Variants in TMEM114 observed in about 807,000 individuals in gnomAD.
TMEM114 encodes the protein claudin-26.
TMEM114 carries 6 observed loss-of-function variants against 6.2 expected under a neutral mutation model. That is an observed-to-expected ratio of 0.97 (90% confidence interval 0.53 to 1.91). The LOEUF (loss-of-function observed/expected upper bound fraction) is 1.91. Among genes scored for constraint, TMEM114 ranks in the 40% most tolerant of loss-of-function variants. The pLI is 0.01. For missense variants in TMEM114, 218 were observed against 158.3 expected (o/e 1.38, Z -2.02); for synonymous variants, 104 against 73.0 (o/e 1.42, Z -2.16).
intron 3 of TMEM114, among the ~76,000 whole-genome samples, chr16:8,570,375 GTGCGATCTCAGCTTGC>G (rs1044873414): frequency 3.5e-4 from 54 of 152,198 alleles, no homozygotes; most frequent in African/African-American, 1.1e-3. Flanking sequence ...GAGTGCAGCG[GTGCGATCTCAGCTTGC>G]TGCGATCTCA....
At chr16:8,571,591 GC>G (rs916773555) in intron 3 of TMEM114, among the ~76,000 whole-genome samples, 3 of 58,536 alleles carry the variant, frequency 5.1e-5, no homozygotes, top group East Asian at 8.4e-4. Flanking sequence ...ACCCTCCCCT[GC>G]CCCCACCCCC....
intron 2 of TMEM114, among the ~76,000 whole-genome samples, chr16:8,550,673 C>G (rs1394145240): frequency 3.6e-5 from 5 of 140,168 alleles, no homozygotes; most frequent in Admixed American, 7.3e-5. Flanking sequence ...AGCAAAACTT[C>G]GTCAAAAAAA....
At chr16:8,557,045 G>A (rs1207891490) in intron 2 of TMEM114, among the ~76,000 whole-genome samples, 3 of 152,104 alleles carry the variant, frequency 2.0e-5, no homozygotes, top group South Asian at 2.1e-4. Context: ...TGAGGCTTGA[G>A]GAAACAGGAT....
At position 8,570,362 on chromosome 16, in the gene TMEM114, C is replaced by T. The variant is rs191045191; in HGVS notation, c.440-357G>A. Among the ~76,000 whole-genome samples, 24 of 152,208 alleles carry T rather than the reference C, an allele frequency of 1.6e-4. No individual in the cohort carries two copies. The East Asian group carries it at 3.5e-3, about 22-fold the overall frequency. ...ACAGAGTCTCGCTCTGTCGCCCAGG[C>T]TGGAGTGCAGCGGTGCGATCTCAGC... On this transcript the variant is annotated intron_variant, in intron 3 of 3. Transcript: ENST00000620492.
At chr16:8,576,782 C>T (rs1901953204) in intron 2 of TMEM114, among the ~76,000 whole-genome samples, 1 of 151,182 alleles carries the variant, frequency 6.6e-6, no homozygotes, top group Non-Finnish European at 1.5e-5. Flanking sequence ...TGAGCATTTA[C>T]TGAGCATCTA....
chr16:8,566,638 C>A (rs1901555073), downstream of TMEM114, among the ~76,000 whole-genome samples: 1 of 152,202 alleles, frequency 6.6e-6, no homozygotes, highest in African/African-American at 2.4e-5. Flanking sequence ...GGGCATCGCC[C>A]ACTGCCTTCT....
At position 8,579,657 on chromosome 16, in the gene TMEM114, T is replaced by C. The variant is rs1596312882; in HGVS notation, c.302-7433A>G. Among the ~76,000 whole-genome samples, 3 of 152,298 alleles carry C rather than the reference T, an allele frequency of 2.0e-5. No individual in the cohort carries two copies. The South Asian group carries it at 6.2e-4, about 32-fold the overall frequency. ...CGTTTTCGTCACCTGTCAATTGGAC[T>C]CTGACCTTGCAGAGTTGTGGGCACT... On this transcript the variant is annotated intron_variant, in intron 2 of 3. Coordinates refer to ENST00000620492, the MANE Select transcript of TMEM114 (RefSeq NM_001146336.2).
intron 2 of TMEM114, among the ~76,000 whole-genome samples, chr16:8,587,973 T>C (rs1902366217): frequency 6.6e-6 from 1 of 151,558 alleles, no homozygotes; most frequent in Non-Finnish European, 1.5e-5. Flanking sequence ...ACATAGTAAC[T>C]ATGTTTCCTA....
chr16:8,563,841 G>C (rs1366266681), intron 2 of TMEM114, among the ~76,000 whole-genome samples: 2 of 149,458 alleles, frequency 1.3e-5, no homozygotes, highest in African/African-American at 2.5e-5. Flanking sequence ...GAGTGAGGGA[G>C]GGAGGGAGGG....
chr16:8,556,568 C>A (rs1460194080), intron 2 of TMEM114, among the ~76,000 whole-genome samples: 5 of 152,082 alleles, frequency 3.3e-5, no homozygotes, highest in South Asian at 2.1e-4. Context: ...ATGGCGTGAT[C>A]TTGGCTCACT....
rs141793079 is a variant in TMEM114, at chr16:8,553,719, G to A, written n.213-15893C>T. ...GATGGTCTTGATCTCCTGACCTCATGGTCCGCCCACCTCGGCCTCCCAAAG... is the reference window on the plus strand; with the variant it reads ...GATGGTCTTGATCTCCTGACCTCATAGTCCGCCCACCTCGGCCTCCCAAAG... On this transcript the variant is annotated intron_variant and non_coding_transcript_variant, in intron 2 of 2. Transcript: ENST00000623677. Among the ~76,000 whole-genome samples, 159 of 152,140 alleles carry A rather than the reference G, an allele frequency of 1.0e-3. 1 individual carries two copies. Among genetic ancestry groups the A allele is most frequent in the African/African-American group, 3.8e-3 (158 of 41,516 alleles).
chr16:8,582,004 C>T (rs1297685929), intron 2 of TMEM114, among the ~76,000 whole-genome samples: 1 of 152,198 alleles, frequency 6.6e-6, no homozygotes, highest in African/African-American at 2.4e-5. Context: ...TGTCCCTCAC[C>T]TCCTCCACTC....
In TMEM114 at chr16:8,569,770, G is replaced by C; in HGVS notation, c.*3C>G. On this transcript the variant is annotated 3_prime_UTR_variant, in exon 4 of 4. Transcript: ENST00000620492. Reference sequence around the variant, plus strand: ...CCTCCCCTCCACGACCCAGCGCCCAGGCTCATATGGCCTGGTCCTGCCTCC... The same window carrying C: ...CCTCCCCTCCACGACCCAGCGCCCACGCTCATATGGCCTGGTCCTGCCTCC... 1 of 1,548,244 alleles carries C rather than the reference G, an allele frequency of 6.5e-7. No individual in the cohort carries two copies. Among genetic ancestry groups the C allele is most frequent in the Non-Finnish European group, 8.7e-7 (1 of 1,145,276 alleles).
At position 8,583,695 on chromosome 16, in the gene TMEM114, C is replaced by T. The variant is rs539358679; in HGVS notation, c.301+5518G>A. Among the ~76,000 whole-genome samples the T allele has an allele frequency of 3.3e-5, 5 of 151,940 alleles. No individual in the cohort carries two copies. The East Asian group carries it at 9.7e-4, about 29-fold the overall frequency. ...CCTGGGAGTTCGAGGCTGCAGTGAG[C>T]TATGATTGTGCTACTACACTGCAGC... On this transcript the variant is annotated intron_variant, in intron 2 of 3. Transcript: ENST00000620492.
intron 3 of TMEM114, among the ~76,000 whole-genome samples, chr16:8,571,217 T>C (rs1192102254): frequency 6.6e-6 from 1 of 151,984 alleles, no homozygotes; most frequent in East Asian, 1.9e-4. Context: ...AAACCTCTGG[T>C]CCACTAAACC....
At position 8,576,738 on chromosome 16, in the gene TMEM114, G is replaced by GGAAGGAAGGAAGGAAA. The variant is rs1491395710; in HGVS notation, c.302-4515_302-4514insTTTCCTTCCTTCCTTC. Among the ~76,000 whole-genome samples the GGAAGGAAGGAAGGAAA allele has an allele frequency of 1.2e-3, 185 of 150,424 alleles. 1 individual carries two copies. Among genetic ancestry groups the GGAAGGAAGGAAGGAAA allele is most frequent in the African/African-American group, 4.2e-3 (174 of 41,056 alleles). ...AGGAAGGAAGGAAGGAAGGAAGGAA[G>GGAAGGAAGGAAGGAAA]GAAGGAAGGAAGGAAGGAAGGAAGG... On this transcript the variant is annotated intron_variant, in intron 2 of 3. Coordinates refer to ENST00000620492, the MANE Select transcript of TMEM114 (RefSeq NM_001146336.2).
chr16:8,562,127 A>G lies in TMEM114; in HGVS notation n.213-24301T>C, dbSNP rs117139182. ...GAGTGAGCGAATAAGTAAGTGAATG[A>G]GTGAGTGAATGAGTGAGTTAGTGAA... On this transcript the variant is annotated intron_variant and non_coding_transcript_variant, in intron 2 of 2. Transcript: ENST00000623677. Among the ~76,000 whole-genome samples the G allele has an allele frequency of 3.7e-3, 561 of 152,034 alleles. 18 individuals carry two copies. In the East Asian group the frequency reaches 0.064, roughly 17 times the overall value.
chr16:8,563,576 A>T (rs1433464593), intron 2 of TMEM114, among the ~76,000 whole-genome samples: 1 of 147,750 alleles, frequency 6.8e-6, no homozygotes, highest in Non-Finnish European at 1.5e-5. Flanking sequence ...GGAGGGAGGA[A>T]ATGAGTGAGT....
rs1336518778 is a variant in TMEM114, at chr16:8,589,992, G to A, written c.-154C>T. The A allele has an allele frequency of 2.6e-6, 1 of 383,700 alleles. No individual in the cohort carries two copies. Among genetic ancestry groups the A allele is most frequent in the Non-Finnish European group, 4.6e-6 (1 of 217,074 alleles). 23.8% of individuals were successfully genotyped at this position (383,700 alleles called of 1,614,324 possible). The stretch of plus-strand genomic sequence containing the variant: ...CTGAAAGCCTTTCCTTTGGACCCCG[G>A]GCCCTAGCTTAGACCCTGGCTCCTC... On this transcript the variant is annotated 5_prime_UTR_variant, in exon 1 of 4. Transcript: ENST00000620492.
Sources: gnomAD v4.1 joint callset for allele counts (sites outside exome capture counted in the v4.1 genomes callset) on GRCh38, gnomAD v4.1.1 for gene constraint, MANE v1.5 for transcripts, NCBI Gene and HGNC (gene_info 2026-07-23, HGNC 2026-07-21) for gene names.